The following SI variants were observed in gnomAD, a reference collection of about 807,000 sequenced individuals.
SI encodes the protein sucrase-isomaltase, intestinal.
SI carries 235 observed loss-of-function variants against 253.3 expected under a neutral mutation model. That is an observed-to-expected ratio of 0.93 (90% CI 0.83 to 1.03). The LOEUF is 1.03. Among genes scored for constraint, SI ranks in the 50% least tolerant of loss-of-function variants. The probability of loss-of-function intolerance (pLI) is 0.00; values close to 1 mark genes in which losing one functional copy is unlikely to be tolerated. For missense variants in SI, 2,442 were observed against 2,211.1 expected (o/e 1.10, Z -2.09); for synonymous variants, 819 against 712.0 (o/e 1.15, Z -2.39).
intron 10 of SI, among the ~76,000 whole-genome samples, chr3:165,059,535 G>A (rs1713884200): frequency 6.6e-6 from 1 of 151,866 alleles, no homozygotes. Flanking sequence ...TGACTAGAAT[G>A]CATTGTTTTT....
intron 25 of SI, among the ~76,000 whole-genome samples, chr3:165,027,236 A>G (rs1183455005): frequency 6.6e-6 from 1 of 151,248 alleles, no homozygotes; most frequent in Non-Finnish European, 1.5e-5. Flanking sequence ...AAATTCCTGG[A>G]ATGACACAAC....
rs920311522 is a variant in SI at position 164,987,177 on chromosome 3, C to A, written c.5158G>T (p.Ala1720Ser). ...LIVAADDNQM[A>S]QGSLFWDDGE... ...TCATCCCAAAACAGAGAACCCTGTG[C>A]CATCTGATTATCATCTGCAGCAACA... The change falls in exon 45 of 48, where the codon GCA (alanine) becomes TCA (serine). Residue 1720 changes from alanine to serine, a missense_variant. By Grantham distance (99) the Ala-to-Ser change is moderately conservative. Coordinates refer to ENST00000264382, the MANE Select transcript of SI (RefSeq NM_001041.4). The A allele has an allele frequency of 6.2e-7, 1 of 1,613,680 alleles. No homozygotes were observed. Among genetic ancestry groups the A allele is most frequent in the African/African-American group, 1.3e-5 (1 of 75,004 alleles).
At chr3:165,080,985 T>C (rs187103190), upstream of SI, among the ~76,000 whole-genome samples, 1 of 152,122 alleles carries the variant, frequency 6.6e-6, no homozygotes, top group East Asian at 1.9e-4. Context: ...TTCGTATCGT[T>C]ATCTCCCTGT....
Position 165,054,424 on chromosome 3 carries a change from T to G in SI, c.1512+770A>C, listed in dbSNP as rs147823478. Among the ~76,000 whole-genome samples the G allele has an allele frequency of 7.4e-3, 1,120 of 152,232 alleles. 16 individuals are homozygous for G. The highest frequency in any genetic ancestry group is 0.025 in the African/African-American group (1,059 of 41,540). On this transcript the variant is annotated intron_variant, in intron 13 of 47. Coordinates refer to ENST00000264382, the MANE Select transcript of SI (RefSeq NM_001041.4). ...TTCACTCTTGTTGCCCAGGCTAGAA[T>G]GCAGTGGCACCATCTTGGCTCACAG...
In SI at chr3:165,075,965, A is replaced by C; in HGVS notation, c.48T>G (p.Leu16=). Residue 16 remains leucine, a synonymous_variant, in exon 2 of 48, where the codon CTT becomes CTG. Transcript: ENST00000264382. ...TAGCTATTATAGTAACTATGACAAA[A>C]AGGACAATCAGAGAGATTTCCAATC... The part of the protein sequence containing the change: ...FSGLEISLIV[L]FVIVTIIAIA... 1 of 1,597,882 alleles carries C rather than the reference A, an allele frequency of 6.3e-7. No homozygotes were observed. Among genetic ancestry groups the C allele is most frequent in the Non-Finnish European group, 8.6e-7 (1 of 1,168,692 alleles).
Position 165,031,657 on chromosome 3 carries a change from A to G in SI, c.2737-790T>C, listed in dbSNP as rs1712252230. 3.3e-5 allele frequency among the ~76,000 whole-genome samples: 5 copies of G among 150,622 alleles called. No homozygotes were observed. In the South Asian group the frequency reaches 1.0e-3, roughly 31 times the overall value. On this transcript the variant is annotated intron_variant, in intron 24 of 47. Transcript: ENST00000264382. ...AGGTCTTATGAGTTAAAACAAAAAT[A>G]TTATAAGACAATGTTCTATATCTTA... is the stretch of plus-strand genomic sequence containing the variant.
intron 7 of SI, among the ~76,000 whole-genome samples, chr3:165,064,083 TA>T (rs1714108052): frequency 6.6e-6 from 1 of 150,750 alleles, no homozygotes; most frequent in Non-Finnish European, 1.5e-5. Flanking sequence ...AATAAATAAA[TA>T]AAATAAAAAA....
chr3:164,994,922 C>T (rs1283284190), intron 40 of SI, among the ~76,000 whole-genome samples: 1 of 151,506 alleles, frequency 6.6e-6, no homozygotes, highest in African/African-American at 2.4e-5. Flanking sequence ...AATAATGTGC[C>T]TGAGTATGCT....
At chr3:165,089,195 CAG>C in the SI span, among the ~76,000 whole-genome samples, 34 of 150,518 alleles carry the variant, frequency 2.3e-4, 1 homozygote, top group East Asian at 4.5e-3. Context: ...AAAAGAAAAA[CAG>C]AGATGTCCTT....
intron 8 of SI, 146 bp downstream of exon 8, chr3:165,063,296 A>G (rs1399090679): frequency 1.3e-5 from 6 of 462,356 alleles, no homozygotes; most frequent in African/African-American, 2.2e-5. Flanking sequence ...CTTTAATTTC[A>G]AAATCTTCTT....
chr3:165,066,277 G>A (rs1015725691), intron 6 of SI, among the ~76,000 whole-genome samples: 15 of 151,998 alleles, frequency 9.9e-5, no homozygotes, highest in African/African-American at 3.4e-4. Flanking sequence ...GAGCATCCAT[G>A]GATTTTGGTA....
chr3:164,984,354 T>A (rs1717337946), intron 45 of SI, among the ~76,000 whole-genome samples: 1 of 152,150 alleles, frequency 6.6e-6, no homozygotes, highest in East Asian at 1.9e-4. Flanking sequence ...TGCCTAAGAC[T>A]TTTTTATGTA....
chr3:165,032,728 C>A lies in SI; in HGVS notation c.2566-36G>T, dbSNP rs776038266. ...TAGTATAAGATATTATATATTAGGT[C>A]ATCAGATACAAACCTGAAATAACAA... On this transcript the variant is annotated intron_variant, in intron 23 of 47. Transcript: ENST00000264382. 6.5e-6 allele frequency: 9 copies of A among 1,386,402 alleles called. No homozygotes were observed. In the African/African-American group the frequency reaches 1.3e-4, roughly 20 times the overall value. 85.9% of individuals were successfully genotyped at this position (1,386,402 alleles called of 1,614,324 possible).
chr3:164,979,294 A>G lies in SI; in HGVS notation c.*68T>C, dbSNP rs73018867. ...TACAAGAACCAAGTGAAGAGGGAAA[A>G]TTGTAAGTGCTGTGAAACTTAAATC... is the stretch of plus-strand genomic sequence containing the variant. On this transcript the variant is annotated 3_prime_UTR_variant, in exon 48 of 48. Coordinates refer to ENST00000264382, the MANE Select transcript of SI (RefSeq NM_001041.4). 142,599 of 922,226 alleles carry G rather than the reference A, an allele frequency of 0.15. 17,661 individuals carry two copies. Among genetic ancestry groups the G allele is most frequent in the African/African-American group, 0.58 (35,485 of 61,646 alleles). 57.1% of individuals were successfully genotyped at this position (922,226 alleles called of 1,614,324 possible).
intron 6 of SI, 62 bp from the exon 7 acceptor site, chr3:165,065,494 T>TATATATATA (rs10530690): frequency 3.5e-4 from 93 of 268,632 alleles, no homozygotes; most frequent in East Asian, 6.3e-4. Context: ...TATATATATA[T>TATATATATA]GATATTCTAC....
intron 13 of SI, among the ~76,000 whole-genome samples, chr3:165,052,672 A>G (rs1312323775): frequency 6.6e-6 from 1 of 152,088 alleles, no homozygotes; most frequent in African/African-American, 2.4e-5. Context: ...ACAAAAAAAA[A>G]TCGTCAACTT....
At chr3:164,993,383 G>A (rs994628893) in intron 41 of SI, among the ~76,000 whole-genome samples, 1 of 150,650 alleles carries the variant, frequency 6.6e-6, no homozygotes, top group Non-Finnish European at 1.5e-5. Context: ...TTTTGTTGTT[G>A]TTTTAGGAAA....
intron 37 of SI, 99 bp downstream of exon 37, chr3:165,006,717 G>T: frequency 2.9e-6 from 3 of 1,029,878 alleles, no homozygotes; most frequent in Non-Finnish European, 4.5e-6. Flanking sequence ...GAAGTAAAGA[G>T]ATACAAGAGA....
At chr3:165,074,927 C>T (rs1714853012) in intron 2 of SI, among the ~76,000 whole-genome samples, 1 of 151,886 alleles carries the variant, frequency 6.6e-6, no homozygotes, top group African/African-American at 2.4e-5. Context: ...TACAAAAGGA[C>T]TTGGTGTAGA....
Sources: gnomAD v4.1 joint callset for allele counts (sites outside exome capture counted in the v4.1 genomes callset) on GRCh38, gnomAD v4.1.1 for gene constraint, MANE v1.5 for transcripts, NCBI Gene and HGNC (gene_info 2026-07-23, HGNC 2026-07-21) for gene names.